Variants in STYK1 observed in about 807,000 individuals in gnomAD.
The protein encoded by STYK1 is STY kinase 1, also known as tyrosine-protein kinase STYK1.
STYK1 carries 46 observed loss-of-function variants against 48.1 expected under a neutral mutation model. The ratio of observed to expected loss-of-function variants is 0.96; its 90% CI spans 0.75 to 1.22. The LOEUF is 1.22. Ranked by LOEUF, STYK1 falls within the 50% of genes most tolerant of loss-of-function variation. The pLI is 0.00. For synonymous variants in STYK1, 188 were observed against 189.0 expected (o/e 0.99, Z 0.04); for missense variants, 527 against 521.1 (o/e 1.01, Z -0.11).
intron 1 of STYK1, among the ~76,000 whole-genome samples, chr12:10,645,628 A>C (rs1203065462): frequency 6.6e-6 from 1 of 152,238 alleles, no homozygotes; most frequent in Non-Finnish European, 1.5e-5. Context: ...CTTTAATATA[A>C]AGAAGTCAGC....
At chr12:10,659,959 A>T (rs1947758503) in intron 1 of STYK1, among the ~76,000 whole-genome samples, 1 of 152,160 alleles carries the variant, frequency 6.6e-6, no homozygotes, top group Non-Finnish European at 1.5e-5. Flanking sequence ...GACCCTGCTT[A>T]TTCCTGTAAA....
Position 10,634,675 on chromosome 12 carries a change from T to C in STYK1, c.-57A>G. 1 of 1,589,330 alleles carries C rather than the reference T, an allele frequency of 6.3e-7. No individual in the cohort carries two copies. The highest frequency in any genetic ancestry group is 1.7e-5 in the Admixed American group (1 of 57,354). ...CCACAGAGAATGCACACAGCACAGC[T>C]GTGAGTAATTCCTAAGGATTGAGTG... is the stretch of plus-strand genomic sequence containing the variant. On this transcript the variant is annotated 5_prime_UTR_variant, in exon 3 of 11. Coordinates refer to ENST00000075503, the MANE Select transcript of STYK1 (RefSeq NM_018423.3).
intron 1 of STYK1, among the ~76,000 whole-genome samples, chr12:10,641,947 T>C (rs149517188): frequency 1.3e-5 from 2 of 152,240 alleles, no homozygotes; most frequent in East Asian, 3.9e-4. Context: ...TAGTTCTGGT[T>C]TGGTGGGTGA....
intron 1 of STYK1, among the ~76,000 whole-genome samples, chr12:10,660,094 T>C (rs561376606): frequency 1.3e-4 from 20 of 152,360 alleles, no homozygotes; most frequent in African/African-American, 4.8e-4. Context: ...TCATCTTGGT[T>C]CTAACAGTTG....
intron 1 of STYK1, among the ~76,000 whole-genome samples, chr12:10,639,039 G>A (rs12299672): frequency 6.6e-6 from 1 of 152,052 alleles, no homozygotes; most frequent in Admixed American, 6.5e-5. Context: ...AAGTGAGGAG[G>A]GTAAAATATA....
chr12:10,659,643 G>A (rs540439900), intron 1 of STYK1, among the ~76,000 whole-genome samples: 1 of 152,068 alleles, frequency 6.6e-6, no homozygotes, highest in Non-Finnish European at 1.5e-5. Context: ...GTATTTTATG[G>A]TACAAAACCA....
chr12:10,644,320 A>T, intron 1 of STYK1, among the ~76,000 whole-genome samples: 1 of 152,204 alleles, frequency 6.6e-6, no homozygotes, highest in South Asian at 2.1e-4. Flanking sequence ...AGAGAGGAAA[A>T]AGATAATGTG....
At chr12:10,634,228 G>T in intron 3 of STYK1, 104 bp from the exon 4 acceptor site, 2 of 1,343,248 alleles carry the variant, frequency 1.5e-6, no homozygotes, top group Non-Finnish European at 2.0e-6. Context: ...TACATGAAAA[G>T]GTCATCTCTT....
In STYK1 at chr12:10,629,527, C is replaced by G. The variant is rs1309779000; in HGVS notation, c.599G>C (p.Gly200Ala). 1 of 1,614,178 alleles carries G rather than the reference C, an allele frequency of 6.2e-7. No individual in the cohort carries two copies. The highest frequency in any genetic ancestry group is 1.7e-5 in the Admixed American group (1 of 60,024). The change falls in exon 6 of 11, where the codon GGG becomes GCG. Residue 200 changes from glycine to alanine, a missense_variant. By Grantham distance (60) the Gly-to-Ala change is moderately conservative. Coordinates refer to ENST00000075503, the MANE Select transcript of STYK1 (RefSeq NM_018423.3). ...LYMVLEDVAQGDLLSFLWTCR... is the reference protein window; with the variant it reads ...LYMVLEDVAQADLLSFLWTCR... The stretch of plus-strand genomic sequence containing the variant: ...GGTCCAGAGAAAGCTGAGCAGGTCC[C>G]CCTGGGCCACATCCTCCAACACCAT...
At chr12:10,639,891 A>T (rs1947525381) in intron 1 of STYK1, among the ~76,000 whole-genome samples, 1 of 152,262 alleles carries the variant, frequency 6.6e-6, no homozygotes, top group South Asian at 2.1e-4. Flanking sequence ...CATGGAAACC[A>T]CAAGGCTGAA....
At chr12:10,671,718 C>G (rs1947893600) in intron 1 of STYK1, among the ~76,000 whole-genome samples, 1 of 152,226 alleles carries the variant, frequency 6.6e-6, no homozygotes, top group South Asian at 2.1e-4. Flanking sequence ...AGGAAATGTA[C>G]ACACTCAGGT....
intron 7 of STYK1, among the ~76,000 whole-genome samples, chr12:10,625,909 C>G (rs918372400): frequency 6.6e-6 from 1 of 152,154 alleles, no homozygotes; most frequent in Admixed American, 6.5e-5. Context: ...AACAGAGCAT[C>G]GGAGAGCCAT....
At chr12:10,650,960 G>A (rs891715182) in intron 1 of STYK1, among the ~76,000 whole-genome samples, 5 of 150,642 alleles carry the variant, frequency 3.3e-5, no homozygotes, top group Admixed American at 6.6e-5. Flanking sequence ...AGCCAAGATC[G>A]TGCCACTGCA....
At chr12:10,626,597 T>G (rs1057114768) in intron 7 of STYK1, among the ~76,000 whole-genome samples, 5 of 152,218 alleles carry the variant, frequency 3.3e-5, no homozygotes, top group African/African-American at 1.2e-4. Flanking sequence ...AATGTTAATT[T>G]TAAACACAAC....
At chr12:10,643,346 T>A (rs1317252548) in intron 1 of STYK1, among the ~76,000 whole-genome samples, 1 of 152,220 alleles carries the variant, frequency 6.6e-6, no homozygotes, top group Non-Finnish European at 1.5e-5. Flanking sequence ...TCCACTCTAC[T>A]TCATTCCTAT....
chr12:10,629,565 C>A lies in STYK1; in HGVS notation c.561G>T (p.Lys187Asn). 3 of 1,613,552 alleles carry A rather than the reference C, an allele frequency of 1.9e-6. No homozygotes were observed. The highest frequency in any genetic ancestry group is 2.5e-6 in the Non-Finnish European group (3 of 1,179,938). Residue 187 changes from lysine to asparagine, a missense_variant, in exon 6 of 11, where the codon AAG (lysine) becomes AAT (asparagine). Physicochemically the swap from Lys to Asn is moderately conservative, Grantham distance 94. Transcript: ENST00000075503. ...LVQLEGCCTE[K>N]LPLYMVLEDV... ...CCTCCAACACCATATAGAGTGGCAGCTTTTCAGTGCAGCAGCCTTCCAGCT... is the reference window on the plus strand; with the variant it reads ...CCTCCAACACCATATAGAGTGGCAGATTTTCAGTGCAGCAGCCTTCCAGCT...
intron 2 of STYK1, among the ~76,000 whole-genome samples, chr12:10,636,596 G>A (rs1281440527): frequency 1.3e-5 from 2 of 152,218 alleles, no homozygotes; most frequent in Non-Finnish European, 2.9e-5. Context: ...GCACAAAGGA[G>A]AAGTTCTGAA....
At chr12:10,652,277 TC>T (rs2120746407) in intron 1 of STYK1, among the ~76,000 whole-genome samples, 1 of 152,196 alleles carries the variant, frequency 6.6e-6, no homozygotes, top group South Asian at 2.1e-4. Context: ...ATTCTTTCTC[TC>T]CCCCTCCTCC....
rs746941428 is a variant in STYK1 at position 10,629,560 on chromosome 12, G to A, written c.566C>T (p.Pro189Leu). 6.2e-7 allele frequency: 1 copy of A among 1,614,108 alleles called. No individual in the cohort carries two copies. Among genetic ancestry groups the A allele is most frequent in the Non-Finnish European group, 8.5e-7 (1 of 1,180,026 alleles). The change falls in exon 6 of 11, where the codon CCA (proline) becomes CTA (leucine). Residue 189 changes from proline (P) to leucine (L), a missense_variant. Pro to Leu is a moderately conservative substitution (Grantham distance 98). Transcript: ENST00000075503. Reference protein sequence around the residue: ...QLEGCCTEKLPLYMVLEDVAQ... With the variant: ...QLEGCCTEKLLLYMVLEDVAQ... ...CACATCCTCCAACACCATATAGAGT[G>A]GCAGCTTTTCAGTGCAGCAGCCTTC...
Sources: gnomAD v4.1 joint callset for allele counts (sites outside exome capture counted in the v4.1 genomes callset) on GRCh38, gnomAD v4.1.1 for gene constraint, MANE v1.5 for transcripts, NCBI Gene and HGNC (gene_info 2026-07-23, HGNC 2026-07-21) for gene names.